FAAH2: variants seen among roughly 807,000 people sequenced by gnomAD.
FAAH2 encodes fatty-acid amide hydrolase 2.
A neutral mutation model predicts 36.9 loss-of-function variants in FAAH2; 60 were observed. That is an observed-to-expected ratio of 1.63 (90% CI 1.32 to 2.02). The LOEUF is 2.02. Among genes scored for constraint, FAAH2 ranks in the 30% most tolerant of loss-of-function variants. The pLI is 0.00. For missense variants in FAAH2, 689 were observed against 397.5 expected (o/e 1.73, Z -6.23); for synonymous variants, 214 against 143.8 (o/e 1.49, Z -3.49).
intron 7 of FAAH2, among the ~76,000 whole-genome samples, chrX:57,409,132 TATAA>T (rs2055637512): frequency 9.0e-6 from 1 of 111,626 alleles, no homozygotes; most frequent in Non-Finnish European, 1.9e-5. Flanking sequence ...TATATAAACA[TATAA>T]ATAATACTGG....
At chrX:57,405,786 C>T (rs1170736568) in intron 7 of FAAH2, among the ~76,000 whole-genome samples, 2 of 100,759 alleles carry the variant, frequency 2.0e-5, no homozygotes, top group Non-Finnish European at 4.0e-5. Context: ...TTTTGTAATT[C>T]ATTTAGTGAC....
At position 57,380,885 on chromosome X, in the gene FAAH2, T is replaced by C. The variant is rs369074361; in HGVS notation, c.879-27T>C. On this transcript the variant is annotated intron_variant, in intron 6 of 10. Transcript: ENST00000374900. ...TAAGGATATCTAAATAATTTGTTGA[T>C]GTCAGTTTCTTTTTAATCCTACACA... 13 of 927,537 alleles carry C rather than the reference T, an allele frequency of 1.4e-5. No individual in the cohort carries two copies. In the African/African-American group the frequency reaches 2.6e-4, roughly 18 times the overall value. The allele number at this position is 927,537 out of a possible 1,213,427, so 76.4% of individuals were successfully genotyped here.
chrX:57,358,143 T>G (rs1004718313), intron 5 of FAAH2, among the ~76,000 whole-genome samples: 11 of 101,159 alleles, frequency 1.1e-4, no homozygotes, highest in African/African-American at 3.7e-4. Flanking sequence ...AGTTAGGTAG[T>G]TAGTTTGAGA....
rs761168118 is a variant in FAAH2, at chrX:57,374,429, C to T, written c.743-4222C>T. On this transcript the variant is annotated intron_variant, in intron 5 of 10. Coordinates refer to ENST00000374900, the MANE Select transcript of FAAH2 (RefSeq NM_174912.4). ...TTTTCCTTGTAGAGATCTTTCACCTCCCGGGTTAGGTATATTCCTAAGTAT... is the reference window on the plus strand; with the variant it reads ...TTTTCCTTGTAGAGATCTTTCACCTTCCGGGTTAGGTATATTCCTAAGTAT... Among the ~76,000 whole-genome samples the T allele has an allele frequency of 2.7e-5, 3 of 111,584 alleles. No individual in the cohort carries two copies. In the East Asian group the frequency reaches 8.5e-4, roughly 31 times the overall value.
At chrX:57,406,197 T>C (rs747261330) in intron 7 of FAAH2, among the ~76,000 whole-genome samples, 1 of 112,167 alleles carries the variant, frequency 8.9e-6, no homozygotes, top group South Asian at 3.7e-4. Flanking sequence ...AAGGGCTCTG[T>C]ATGAGTTCTT....
chrX:57,177,414 C>A, the FAAH2 span, among the ~76,000 whole-genome samples: 1 of 105,096 alleles, frequency 9.5e-6, no homozygotes, highest in Non-Finnish European at 1.9e-5. Context: ...GATGTAGTCA[C>A]CCTGGAGTGT....
chrX:57,382,555 C>G (rs1300855240), intron 7 of FAAH2, among the ~76,000 whole-genome samples: 2 of 111,819 alleles, frequency 1.8e-5, no homozygotes, highest in Non-Finnish European at 1.9e-5. Context: ...CATCTCTATG[C>G]AAATAAACTA....
chrX:57,333,022 G>C (rs1035420487), intron 4 of FAAH2, among the ~76,000 whole-genome samples: 2 of 111,579 alleles, frequency 1.8e-5, no homozygotes, highest in African/African-American at 6.5e-5. Flanking sequence ...AGGGGCACAT[G>C]CTAACTAAAT....
the FAAH2 span, among the ~76,000 whole-genome samples, chrX:57,205,216 C>T: frequency 1.8e-5 from 2 of 112,818 alleles, no homozygotes; most frequent in African/African-American, 6.4e-5. Flanking sequence ...AGTTGGACAT[C>T]ACTGGATAAT....
chrX:57,213,948 G>A, the FAAH2 span, among the ~76,000 whole-genome samples: 3 of 111,607 alleles, frequency 2.7e-5, no homozygotes, highest in Admixed American at 2.9e-4. Context: ...CTGTATTGTT[G>A]TCTATATTTT....
At chrX:57,122,588 A>G in the FAAH2 span, among the ~76,000 whole-genome samples, 1,338 of 112,546 alleles carry the variant, frequency 0.012, 9 homozygotes, top group African/African-American at 0.041. Flanking sequence ...ATTTTGAGAA[A>G]GGTTGTATAC....
chrX:57,322,857 A>C (rs1438305553), intron 3 of FAAH2, among the ~76,000 whole-genome samples: 1 of 108,662 alleles, frequency 9.2e-6, no homozygotes, highest in Non-Finnish European at 1.9e-5. Context: ...TTATACTTTA[A>C]GTTTTAGGGT....
At chrX:57,395,840 A>G (rs754692062) in intron 7 of FAAH2, among the ~76,000 whole-genome samples, 2 of 111,742 alleles carry the variant, frequency 1.8e-5, no homozygotes, top group South Asian at 7.4e-4. Flanking sequence ...TAATATTTGT[A>G]TCAGGTGATA....
the FAAH2 span, among the ~76,000 whole-genome samples, chrX:57,225,478 T>A: frequency 8.9e-6 from 1 of 112,091 alleles, no homozygotes; most frequent in Non-Finnish European, 1.9e-5. Context: ...TCATTTCCAG[T>A]TTTATTCCAC....
At chrX:57,349,524 T>C (rs1465485677) in intron 5 of FAAH2, among the ~76,000 whole-genome samples, 1 of 103,440 alleles carries the variant, frequency 9.7e-6, no homozygotes, top group East Asian at 2.9e-4. Context: ...TATAATGTTT[T>C]ATACACATAT....
chrX:57,368,611 G>A, intron 5 of FAAH2, among the ~76,000 whole-genome samples: 1 of 111,862 alleles, frequency 8.9e-6, no homozygotes, highest in Non-Finnish European at 1.9e-5. Flanking sequence ...AGGCATTGCT[G>A]GTGTTGACTA....
the FAAH2 span, among the ~76,000 whole-genome samples, chrX:57,235,402 G>T: frequency 9.0e-6 from 1 of 111,435 alleles, no homozygotes; most frequent in Non-Finnish European, 1.9e-5. Flanking sequence ...TTGGTATCTT[G>T]TTGCTACAAA....
chrX:57,373,279 CTT>C (rs938210642), intron 5 of FAAH2, among the ~76,000 whole-genome samples: 3 of 111,114 alleles, frequency 2.7e-5, no homozygotes, highest in African/African-American at 9.8e-5. Context: ...GGTAAATCTA[CTT>C]TTAGGTCTTT....
At chrX:57,320,005 C>A (rs952036845) in intron 3 of FAAH2, among the ~76,000 whole-genome samples, 2 of 111,718 alleles carry the variant, frequency 1.8e-5, no homozygotes, top group Non-Finnish European at 3.8e-5. Flanking sequence ...ACACCTTATA[C>A]AAAAATTAAC....
Sources: allele counts gnomAD v4.1 joint callset (sites outside exome capture counted in the v4.1 genomes callset), GRCh38; gene constraint gnomAD v4.1.1; transcripts MANE v1.5; gene names NCBI Gene and HGNC (gene_info 2026-07-23, HGNC 2026-07-21).